CSGALNACT1: variants seen among roughly 807,000 people sequenced by gnomAD.
The protein encoded by CSGALNACT1 is chondroitin sulfate N-acetylgalactosaminyltransferase 1.
CSGALNACT1 carries 52 observed loss-of-function variants against 51.0 expected under a neutral mutation model. That is an observed-to-expected ratio of 1.02 (90% CI 0.82 to 1.29). CSGALNACT1 has a LOEUF of 1.29. Ranked by LOEUF, CSGALNACT1 falls within the 50% of genes most tolerant of loss-of-function variation. The pLI is 0.00. For synonymous variants in CSGALNACT1, 341 were observed against 254.4 expected (o/e 1.34, Z -3.24); for missense variants, 935 against 679.2 (o/e 1.38, Z -4.19).
chr8:19,602,096 A>C, exon 1 of CSGALNACT1: 1 of 196,362 alleles, frequency 5.1e-6, no homozygotes. Flanking sequence ...AACCATGTCT[A>C]AAGGTGTCTA....
chr8:19,695,684 T>C (rs1306258698), intron 1 of CSGALNACT1, among the ~76,000 whole-genome samples: 1 of 152,188 alleles, frequency 6.6e-6, no homozygotes, highest in Non-Finnish European at 1.5e-5. Flanking sequence ...AAAGCAACAA[T>C]GTCAAGACAA....
chr8:19,571,095 C>G (rs1241448262), intron 3 of CSGALNACT1, among the ~76,000 whole-genome samples: 1 of 152,106 alleles, frequency 6.6e-6, no homozygotes, highest in Non-Finnish European at 1.5e-5. Flanking sequence ...CTCAGCCTCC[C>G]AAGTAACTGG....
At chr8:19,455,179 T>C (rs1007444774) in intron 5 of CSGALNACT1, among the ~76,000 whole-genome samples, 2 of 152,254 alleles carry the variant, frequency 1.3e-5, no homozygotes, top group African/African-American at 4.8e-5. Flanking sequence ...AAACATCTTA[T>C]AATAGCCAAG....
intron 5 of CSGALNACT1, among the ~76,000 whole-genome samples, chr8:19,445,551 C>G (rs968922593): frequency 1.3e-5 from 2 of 152,174 alleles, no homozygotes; most frequent in East Asian, 1.9e-4. Context: ...CATTCGTGTA[C>G]TCTTCTCTTT....
At chr8:19,752,624 G>A (rs2065113401) in intron 1 of CSGALNACT1, among the ~76,000 whole-genome samples, 1 of 152,134 alleles carries the variant, frequency 6.6e-6, no homozygotes, top group South Asian at 2.1e-4. Flanking sequence ...GCAGTGCTGT[G>A]TGCCCACGTG....
chr8:19,542,921 T>C (rs2085566261), intron 3 of CSGALNACT1, among the ~76,000 whole-genome samples: 1 of 152,170 alleles, frequency 6.6e-6, no homozygotes, highest in Non-Finnish European at 1.5e-5. Flanking sequence ...CATTTGGGTT[T>C]TCCTACTTCA....
intron 1 of CSGALNACT1, among the ~76,000 whole-genome samples, chr8:19,667,429 C>T (rs2059469814): frequency 6.6e-6 from 1 of 152,138 alleles, no homozygotes; most frequent in African/African-American, 2.4e-5. Flanking sequence ...GAGCAAGACC[C>T]TGTCTCAAAA....
intron 3 of CSGALNACT1, among the ~76,000 whole-genome samples, chr8:19,542,404 A>G (rs1176955605): frequency 6.6e-6 from 1 of 152,166 alleles, no homozygotes; most frequent in Non-Finnish European, 1.5e-5. Flanking sequence ...CGGCAAAGGA[A>G]TCATTAAATA....
chr8:19,666,831 G>GAGAGAGAGAA (rs1554794476), intron 1 of CSGALNACT1, among the ~76,000 whole-genome samples: 72 of 24,916 alleles, frequency 2.9e-3, no homozygotes, highest in South Asian at 4.0e-3. Context: ...GAGAGAGAGA[G>GAGAGAGAGAA]AGAAAGAAAG....
At chr8:19,720,588 T>G (rs1381480752) in intron 1 of CSGALNACT1, among the ~76,000 whole-genome samples, 1 of 152,078 alleles carries the variant, frequency 6.6e-6, no homozygotes, top group Non-Finnish European at 1.5e-5. Context: ...TTTCGAGGAG[T>G]GGCTCCCTTC....
chr8:19,619,975 G>A (rs912779408), intron 1 of CSGALNACT1, among the ~76,000 whole-genome samples: 3 of 152,090 alleles, frequency 2.0e-5, no homozygotes, highest in Admixed American at 1.3e-4. Flanking sequence ...AAAAGGAGGA[G>A]AATAATGGGA....
chr8:19,531,346 C>T (rs992921653), intron 3 of CSGALNACT1, among the ~76,000 whole-genome samples: 3 of 152,166 alleles, frequency 2.0e-5, no homozygotes, highest in Admixed American at 6.5e-5. Flanking sequence ...ATGGGATGGA[C>T]GTTAATATTG....
intron 6 of CSGALNACT1, among the ~76,000 whole-genome samples, chr8:19,439,109 G>A (rs1351543432): frequency 2.6e-5 from 4 of 152,166 alleles, no homozygotes; most frequent in African/African-American, 4.8e-5. Flanking sequence ...AGCGTGCAGC[G>A]CCATTCTGGC....
intron 1 of CSGALNACT1, among the ~76,000 whole-genome samples, chr8:19,628,000 T>C (rs569708964): frequency 6.6e-6 from 1 of 152,318 alleles, no homozygotes; most frequent in Admixed American, 6.5e-5. Flanking sequence ...TCTGTACTAT[T>C]TTTTTCAACT....
At chr8:19,734,529 C>T (rs1041301514) in intron 1 of CSGALNACT1, among the ~76,000 whole-genome samples, 1 of 152,228 alleles carries the variant, frequency 6.6e-6, no homozygotes, top group South Asian at 2.1e-4. Flanking sequence ...ACCTCTACTA[C>T]TTCAAGGTGC....
chr8:19,735,516 A>G (rs1051210175), intron 1 of CSGALNACT1, among the ~76,000 whole-genome samples: 2 of 142,070 alleles, frequency 1.4e-5, no homozygotes, highest in Non-Finnish European at 3.1e-5. Flanking sequence ...CAAGTAACAG[A>G]AAAAAAACCA....
chr8:19,587,731 C>G (rs931756250), intron 3 of CSGALNACT1: 1 of 152,218 alleles, frequency 6.6e-6, no homozygotes, highest in African/African-American at 2.4e-5. Context: ...GAAACTGGTA[C>G]TCTCCAACCT....
At chr8:19,654,702 C>T (rs1043030919) in intron 1 of CSGALNACT1, among the ~76,000 whole-genome samples, 2 of 151,954 alleles carry the variant, frequency 1.3e-5, no homozygotes, top group Admixed American at 1.3e-4. Context: ...GCACCACACG[C>T]CCAGCTAATT....
At chr8:19,629,629 C>G (rs987795600) in intron 1 of CSGALNACT1, among the ~76,000 whole-genome samples, 2 of 152,316 alleles carry the variant, frequency 1.3e-5, no homozygotes, top group Middle Eastern at 6.8e-3. Context: ...CACCAGCCCC[C>G]TACTCCAGCC....
Sources: gnomAD v4.1 joint callset for allele counts (sites outside exome capture counted in the v4.1 genomes callset) on GRCh38, gnomAD v4.1.1 for gene constraint, MANE v1.5 for transcripts, NCBI Gene and HGNC (gene_info 2026-07-23, HGNC 2026-07-21) for gene names.